The following CLEC12B variants were observed in gnomAD, a reference collection of about 807,000 sequenced individuals.
CLEC12B encodes macrophage antigen h.
In CLEC12B, 25 loss-of-function variants were observed where a neutral mutation model predicts 36.1. The ratio of observed to expected loss-of-function variants is 0.69; its 90% CI spans 0.50 to 0.97. The LOEUF (loss-of-function observed/expected upper bound fraction) is 0.97, where lower values mean the gene tolerates loss of function less well. CLEC12B is among the 50% of genes least tolerant of loss of function. The pLI, the probability that CLEC12B is intolerant of heterozygous loss-of-function variation, is 0.00. For missense variants in CLEC12B, 325 were observed against 318.4 expected, an observed-to-expected ratio of 1.02 and a Z score of -0.16; for synonymous variants, 110 against 108.5, an observed-to-expected ratio of 1.01 and a Z score of -0.09.
upstream of CLEC12B, among the ~76,000 whole-genome samples, chr12:10,008,707 G>A (rs1280465138): frequency 6.6e-6 from 1 of 152,180 alleles, no homozygotes; most frequent in African/African-American, 2.4e-5. Flanking sequence ...GAAAGTATGT[G>A]AGAAGTGTTA....
At chr12:10,016,947 C>T (rs1338967371) in intron 5 of CLEC12B, 3 of 969,598 alleles carry the variant, frequency 3.1e-6, no homozygotes, top group Non-Finnish European at 3.7e-6. Context: ...CATTATCCAC[C>T]CCCCTCCCTC....
intron 4 of CLEC12B, 65 bp downstream of exon 4, chr12:10,015,471 A>G: frequency 6.4e-7 from 1 of 1,564,458 alleles, no homozygotes; most frequent in South Asian, 1.2e-5. Flanking sequence ...AATAAATAAA[A>G]CATCTGATTC....
At chr12:10,010,005 A>G (rs1865284752), upstream of CLEC12B, among the ~76,000 whole-genome samples, 1 of 152,122 alleles carries the variant, frequency 6.6e-6, no homozygotes, top group Non-Finnish European at 1.5e-5. Context: ...TGTCCTGTGT[A>G]TTCCTTGCTG....
At chr12:10,012,683 C>A in intron 1 of CLEC12B, 102 bp from the exon 2 acceptor site, 1 of 790,798 alleles carries the variant, frequency 1.3e-6, no homozygotes, top group Non-Finnish European at 2.1e-6. Context: ...AAGAAAGAAA[C>A]GTTAGTATCG....
chr12:10,009,584 T>A (rs1865276104), upstream of CLEC12B, among the ~76,000 whole-genome samples: 3 of 150,134 alleles, frequency 2.0e-5, no homozygotes, highest in South Asian at 6.3e-4. Context: ...ACAAAAAACA[T>A]GAACAAGTAA....
intron 5 of CLEC12B, 194 bp downstream of exon 5, chr12:10,015,921 A>G (rs1865475102): frequency 7.2e-7 from 1 of 1,387,384 alleles, no homozygotes; most frequent in African/African-American, 1.5e-5. Flanking sequence ...AAGGCACTGA[A>G]TTTTATCTTT....
upstream of CLEC12B, among the ~76,000 whole-genome samples, chr12:10,008,262 G>A (rs939507858): frequency 6.6e-6 from 1 of 152,134 alleles, no homozygotes; most frequent in African/African-American, 2.4e-5. Context: ...ATTAATTTAA[G>A]TTTAAATAGC....
chr12:10,015,896 T>A, intron 5 of CLEC12B, 169 bp downstream of exon 5: 40 of 1,417,938 alleles, frequency 2.8e-5, no homozygotes, highest in Non-Finnish European at 3.7e-5. Context: ...TTCATCTCTG[T>A]GACAAATTTA....
chr12:10,017,818 C>T, intron 5 of CLEC12B: 1 of 949,434 alleles, frequency 1.1e-6, no homozygotes, highest in South Asian at 4.9e-5. Flanking sequence ...ATACTATTGT[C>T]AGAACCATAT....
At position 10,014,717 on chromosome 12, in the gene CLEC12B, C is replaced by G. The variant is rs1865434213; in HGVS notation, c.385C>G (p.Gln129Glu). The change falls in exon 3 of 6, where the codon CAA becomes GAA. Residue 129 changes from glutamine to glutamate, a missense_variant. Coordinates refer to ENST00000338896, the MANE Select transcript of CLEC12B (RefSeq NM_001129998.3). ...GGAACAAATGGCCATCAAACTGTGCCAAGAGCTAATCATTCATACTTCAGG... is the reference window on the plus strand; with the variant it reads ...GGAACAAATGGCCATCAAACTGTGCGAAGAGCTAATCATTCATACTTCAGG... ...RQEQMAIKLC[Q>E]ELIIHTSDHR... 2 of 1,612,852 alleles carry G rather than the reference C, an allele frequency of 1.2e-6. No homozygotes were observed.
rs1865547945 is a variant in CLEC12B at position 10,018,712 on chromosome 12, C to T, written c.*231C>T. On this transcript the variant is annotated 3_prime_UTR_variant, in exon 6 of 6. Coordinates refer to ENST00000338896, the MANE Select transcript of CLEC12B (RefSeq NM_001129998.3). ...ATACCTGGGGACAAAGGGGAATAGC[C>T]ATACTATGGCCCTATGATTGTCTCA... The T allele has an allele frequency of 2.1e-6, 1 of 480,318 alleles. No individual in the cohort carries two copies. The highest frequency in any genetic ancestry group is 2.8e-5 in the South Asian group (1 of 35,394). 29.8% of individuals were successfully genotyped at this position (480,318 alleles called of 1,614,324 possible).
chr12:10,010,189 C>G (rs1345269417), upstream of CLEC12B, among the ~76,000 whole-genome samples: 1 of 103,724 alleles, frequency 9.6e-6, no homozygotes, highest in African/African-American at 3.9e-5. Flanking sequence ...CTGTCTCTCT[C>G]TGTCTCTCTC....
chr12:10,015,501 C>T, intron 4 of CLEC12B, 95 bp downstream of exon 4: 1 of 1,548,552 alleles, frequency 6.5e-7, no homozygotes, highest in South Asian at 1.2e-5. Flanking sequence ...AAATTCAGTG[C>T]ATCTTGAATT....
intron 5 of CLEC12B, chr12:10,017,555 C>G (rs3736850): frequency 1.0e-6 from 1 of 985,276 alleles, no homozygotes; most frequent in African/African-American, 1.7e-5. Context: ...AGCTGTCAGA[C>G]AAGCCAGCAT....
intron 5 of CLEC12B, chr12:10,016,563 TA>T: frequency 3.5e-6 from 1 of 288,816 alleles, no homozygotes; most frequent in Non-Finnish European, 5.2e-6. Flanking sequence ...ACAACTGTAT[TA>T]ATATTTTAAA....
intron 2 of CLEC12B, 80 bp from the exon 3 acceptor site, chr12:10,014,440 TAAG>T (rs1204259194): frequency 5.0e-6 from 5 of 996,676 alleles, no homozygotes; most frequent in Non-Finnish European, 7.5e-6. Flanking sequence ...CTTGAACAAT[TAAG>T]AAATGTTTCT....
At chr12:10,007,371 A>G (rs1865242831), upstream of CLEC12B, among the ~76,000 whole-genome samples, 1 of 152,172 alleles carries the variant, frequency 6.6e-6, no homozygotes, top group Non-Finnish European at 1.5e-5. Context: ...TTAAGGAGAT[A>G]GGTGGATGGA....
Position 10,018,408 on chromosome 12 carries a change from C to T in CLEC12B, c.758C>T (p.Ser253Phe). 1 of 1,549,260 alleles carries T rather than the reference C, an allele frequency of 6.5e-7. No homozygotes were observed. The highest frequency in any genetic ancestry group is 8.7e-7 in the Non-Finnish European group (1 of 1,145,020). Residue 253 changes from serine (S) to phenylalanine (F), a missense_variant, in exon 6 of 6, where the codon TCT becomes TTT. By Grantham distance (155) the Ser-to-Phe change is radical. Coordinates refer to ENST00000338896, the MANE Select transcript of CLEC12B (RefSeq NM_001129998.3). ...TTTCAAAAAGGAAATATTTATATTT[C>T]TCGCTGTAGTGCTGAAATTTTTTGG... ...AYFQKGNIYI[S>F]RCSAEIFWIC...
In CLEC12B at chr12:10,011,395, T is replaced by G. The variant is rs556345750; in HGVS notation, c.91+545T>G. Among the ~76,000 whole-genome samples, 11 of 152,264 alleles carry G rather than the reference T, an allele frequency of 7.2e-5. No homozygotes were observed. The South Asian group carries it at 2.3e-3, about 32-fold the overall frequency. ...TAATGTTGAACCAGTAATAATAGTA[T>G]CTGGGTAGTATTTTATGTACATTAT... is the stretch of plus-strand genomic sequence containing the variant. On this transcript the variant is annotated intron_variant, in intron 1 of 5. Transcript: ENST00000338896.
Sources: gnomAD v4.1 joint callset for allele counts (sites outside exome capture counted in the v4.1 genomes callset) on GRCh38, gnomAD v4.1.1 for gene constraint, MANE v1.5 for transcripts, NCBI Gene and HGNC (gene_info 2026-07-23, HGNC 2026-07-21) for gene names.